CDH8: variants seen among roughly 807,000 people sequenced by gnomAD.
CDH8 encodes cadherin 8.
CDH8 carries 17 observed loss-of-function variants against 68.1 expected under a neutral mutation model. The observed-to-expected ratio is 0.25, with a 90% CI of 0.17 to 0.37. The LOEUF (loss-of-function observed/expected upper bound fraction) is 0.37, where lower values mean the gene tolerates loss of function less well. CDH8 is among the 10% of genes least tolerant of loss of function. The pLI is 1.00. For missense variants in CDH8, 763 were observed against 999.3 expected (o/e 0.76, Z 3.19); for synonymous variants, 372 against 365.1 (o/e 1.02, Z -0.21).
rs1597136820 is a variant in CDH8, at chr16:62,030,376, T to C, written c.-200+5704A>G. Among the ~76,000 whole-genome samples the C allele has an allele frequency of 2.8e-5, 4 of 143,116 alleles. No individual in the cohort carries two copies. The South Asian group carries it at 9.1e-4, about 32-fold the overall frequency. The allele number at this position is 143,116 out of a possible 152,430, so 93.9% of individuals were successfully genotyped here. A position where few individuals can be genotyped will look rare whatever the true frequency, so the allele number is the denominator to read the frequency against. On this transcript the variant is annotated intron_variant, in intron 1 of 11. Coordinates refer to ENST00000577390, the MANE Select transcript of CDH8 (RefSeq NM_001796.5). ...AAAAATAAGTATGAATTGTTTTTTG[T>C]TTTTTTTTCATTTTTCTGAGCATCC... is the stretch of plus-strand genomic sequence containing the variant.
chr16:61,690,557 A>G (rs908760635), intron 10 of CDH8, among the ~76,000 whole-genome samples: 1 of 152,044 alleles, frequency 6.6e-6, no homozygotes, highest in Non-Finnish European at 1.5e-5. Context: ...ATATTTGTAC[A>G]CTTTTGATAA....
chr16:61,750,485 T>C (rs1960133144), intron 8 of CDH8, among the ~76,000 whole-genome samples: 1 of 152,166 alleles, frequency 6.6e-6, no homozygotes, highest in African/African-American at 2.4e-5. Context: ...GTTGACTCAG[T>C]GAAACTAAAT....
At chr16:61,696,183 A>G (rs1459717171) in intron 10 of CDH8, among the ~76,000 whole-genome samples, 2 of 152,190 alleles carry the variant, frequency 1.3e-5, no homozygotes, top group African/African-American at 4.8e-5. Context: ...TCACAGCCAT[A>G]ATGCTGCTGG....
intron 2 of CDH8, among the ~76,000 whole-genome samples, chr16:61,969,127 G>A (rs542582577): frequency 1.6e-3 from 251 of 152,286 alleles, no homozygotes; most frequent in African/African-American, 5.6e-3. Flanking sequence ...GTTGGTATGT[G>A]TTAAAAAGCC....
chr16:61,969,168 G>C (rs1965300273), intron 2 of CDH8, among the ~76,000 whole-genome samples: 1 of 152,176 alleles, frequency 6.6e-6, no homozygotes, highest in Admixed American at 6.5e-5. Context: ...GGGCAATAAT[G>C]ATCTGAATGA....
chr16:61,866,800 A>G (rs1351837283), intron 3 of CDH8, among the ~76,000 whole-genome samples: 1 of 152,188 alleles, frequency 6.6e-6, no homozygotes, highest in African/African-American at 2.4e-5. Context: ...TACAATCAGT[A>G]TTCTCCAGGT....
intron 2 of CDH8, among the ~76,000 whole-genome samples, chr16:61,937,481 G>A (rs146134808): frequency 5.9e-5 from 9 of 152,254 alleles, no homozygotes; most frequent in Middle Eastern, 3.4e-3. Flanking sequence ...AGCAATCAAA[G>A]AAATAAACTT....
At chr16:61,706,343 C>G (rs904461915) in intron 10 of CDH8, among the ~76,000 whole-genome samples, 2 of 152,020 alleles carry the variant, frequency 1.3e-5, no homozygotes, top group African/African-American at 4.8e-5. Flanking sequence ...GGCGGCCGGA[C>G]GCGGTGGCTC....
rs184631483 is a variant in CDH8, at chr16:61,778,922, C to T, written c.1414+10424G>A. Among the ~76,000 whole-genome samples, 661 of 152,248 alleles carry T rather than the reference C, an allele frequency of 4.3e-3. 5 individuals carry two copies. Among genetic ancestry groups the T allele is most frequent in the Middle Eastern group, 0.017 (5 of 294 alleles). ...AACTGGGCCCCATGCTAGGAAAAAA[C>T]AATCCTTAAGTGCAATAAAACTAGT... On this transcript the variant is annotated intron_variant, in intron 8 of 11. Coordinates refer to ENST00000577390, the MANE Select transcript of CDH8 (RefSeq NM_001796.5).
chr16:61,653,875 C>T lies in CDH8; in HGVS notation c.2133G>A (p.Gly711=). ...CAACACCATTTGGAACTGGAGCAAG[C>T]CCTTGCCTTGGCATAAACTGCAAAT... is the stretch of plus-strand genomic sequence containing the variant. ...KPDLQFMPRQ[G]LAPVPNGVDV... is the part of the protein sequence containing the mutation. The change falls in exon 12 of 12, where the codon GGG becomes GGA. Residue 711 remains glycine, a synonymous_variant. Transcript: ENST00000577390. The T allele has an allele frequency of 6.2e-7, 1 of 1,614,208 alleles. No homozygotes were observed. Among genetic ancestry groups the T allele is most frequent in the Non-Finnish European group, 8.5e-7 (1 of 1,180,038 alleles).
chr16:61,685,588 G>C (rs1298316231), intron 10 of CDH8, among the ~76,000 whole-genome samples: 1 of 151,970 alleles, frequency 6.6e-6, no homozygotes, highest in Non-Finnish European at 1.5e-5. Context: ...CAGTTTCCCT[G>C]TATATAAAAT....
chr16:61,745,143 T>A (rs2142933541), intron 8 of CDH8, among the ~76,000 whole-genome samples: 1 of 151,876 alleles, frequency 6.6e-6, no homozygotes, highest in South Asian at 2.1e-4. Flanking sequence ...AAGGCTCTTT[T>A]CTCTTGATAT....
intron 7 of CDH8, among the ~76,000 whole-genome samples, chr16:61,810,030 A>T (rs1220767912): frequency 6.6e-6 from 1 of 152,234 alleles, no homozygotes; most frequent in East Asian, 1.9e-4. Flanking sequence ...ATCATAAAAA[A>T]TGTTTTGGTA....
intron 3 of CDH8, among the ~76,000 whole-genome samples, chr16:61,870,349 T>C (rs1007043236): frequency 4.6e-5 from 7 of 152,162 alleles, no homozygotes; most frequent in African/African-American, 1.7e-4. Context: ...AGTAAGTATT[T>C]TGTACATGTT....
At chr16:62,003,782 A>C (rs114025944) in intron 2 of CDH8, among the ~76,000 whole-genome samples, 3 of 152,218 alleles carry the variant, frequency 2.0e-5, no homozygotes, top group Admixed American at 1.3e-4. Context: ...AGACATGTCC[A>C]TCTGTCAATA....
At chr16:61,731,143 T>C (rs183598441) in intron 8 of CDH8, among the ~76,000 whole-genome samples, 1 of 151,626 alleles carries the variant, frequency 6.6e-6, no homozygotes, top group East Asian at 2.0e-4. Flanking sequence ...GAAAGTTCCT[T>C]CATATACAAA....
At chr16:61,720,507 C>A (rs960764336) in intron 9 of CDH8, among the ~76,000 whole-genome samples, 1 of 150,752 alleles carries the variant, frequency 6.6e-6, no homozygotes, top group African/African-American at 2.4e-5. Flanking sequence ...TGTAGATAAT[C>A]AATCTCAATT....
chr16:61,836,089 C>T lies in CDH8; in HGVS notation c.668-10910G>A, dbSNP rs889593446. ...AAATTTTAATTGAATTGATCTTATC[C>T]CCAATGTTAATGTGGTCCTAATGCC... On this transcript the variant is annotated intron_variant, in intron 4 of 11. Transcript: ENST00000577390. Among the ~76,000 whole-genome samples, 13 of 151,758 alleles carry T rather than the reference C, an allele frequency of 8.6e-5. 1 individual carries two copies. The South Asian group carries it at 2.7e-3, about 32-fold the overall frequency.
chr16:61,915,712 G>A (rs1358593227), intron 2 of CDH8, among the ~76,000 whole-genome samples: 2 of 152,318 alleles, frequency 1.3e-5, no homozygotes, highest in South Asian at 2.1e-4. Flanking sequence ...GCGGCAGGGA[G>A]TGACCTCTGA....
Sources: gnomAD v4.1 joint callset for allele counts (sites outside exome capture counted in the v4.1 genomes callset) on GRCh38, gnomAD v4.1.1 for gene constraint, MANE v1.5 for transcripts, NCBI Gene and HGNC (gene_info 2026-07-23, HGNC 2026-07-21) for gene names.